Variants in MTHFD2L observed in about 807,000 individuals in gnomAD.
MTHFD2L encodes bifunctional methylenetetrahydrofolate dehydrogenase/cyclohydrolase 2, mitochondrial.
Under a neutral mutation model 34.9 loss-of-function variants are expected in MTHFD2L, and 29 were observed. The observed-to-expected ratio is 0.83, with a 90% CI of 0.62 to 1.13. The LOEUF is 1.13. MTHFD2L is among the 50% of genes most tolerant of loss of function. The pLI is 0.00. For missense variants in MTHFD2L, 481 were observed against 446.5 expected (o/e 1.08, Z -0.70); for synonymous variants, 167 against 155.7 (o/e 1.07, Z -0.54).
intron 6 of MTHFD2L, among the ~76,000 whole-genome samples, chr4:74,226,427 T>C (rs1739171639): frequency 6.6e-6 from 1 of 152,198 alleles, no homozygotes; most frequent in South Asian, 2.1e-4. Context: ...TCTTTAATTC[T>C]CTATTTTAAT....
intron 5 of MTHFD2L, among the ~76,000 whole-genome samples, chr4:74,216,752 T>C (rs2110098106): frequency 6.6e-6 from 1 of 151,926 alleles, no homozygotes; most frequent in East Asian, 1.9e-4. Context: ...CTCTTTCTCT[T>C]ACATCCTTTG....
intron 5 of MTHFD2L, among the ~76,000 whole-genome samples, chr4:74,221,373 A>G (rs1738156144): frequency 6.6e-6 from 1 of 151,820 alleles, no homozygotes. Context: ...TTATTCAAAA[A>G]TAAATTAAAC....
chr4:74,282,933 A>T lies in MTHFD2L; in HGVS notation c.931+1383A>T, dbSNP rs78076383. Among the ~76,000 whole-genome samples, 1,442 of 152,320 alleles carry T rather than the reference A, an allele frequency of 9.5e-3. 27 individuals carry two copies. The highest frequency in any genetic ancestry group is 0.033 in the African/African-American group (1,365 of 41,576). ...TTTAATCTTCCATGTTCAATCACTTAGGCCAGATATGAGTAACTTATTTGA... is the reference window on the plus strand; with the variant it reads ...TTTAATCTTCCATGTTCAATCACTTTGGCCAGATATGAGTAACTTATTTGA... On this transcript the variant is annotated intron_variant, in intron 7 of 7. Coordinates refer to ENST00000325278, the MANE Select transcript of MTHFD2L (RefSeq NM_001144978.3).
At chr4:74,238,711 T>C (rs746672057) in intron 6 of MTHFD2L, among the ~76,000 whole-genome samples, 29 of 152,170 alleles carry the variant, frequency 1.9e-4, no homozygotes, top group Admixed American at 5.9e-4. Context: ...AGAAGACATT[T>C]ATGCAGCCAA....
chr4:74,138,300 C>T (rs1314859222), intron 1 of MTHFD2L, among the ~76,000 whole-genome samples: 1 of 152,086 alleles, frequency 6.6e-6, no homozygotes, highest in African/African-American at 2.4e-5. Flanking sequence ...GGCTTTGTTA[C>T]AGGCGGGTCT....
At chr4:74,297,566 C>T (rs1749780849) in intron 7 of MTHFD2L, among the ~76,000 whole-genome samples, 1 of 151,734 alleles carries the variant, frequency 6.6e-6, no homozygotes, top group African/African-American at 2.4e-5. Flanking sequence ...TTTAATGGAG[C>T]ATGTAGAACA....
chr4:74,140,379 C>A, intron 1 of MTHFD2L: 1 of 230,666 alleles, frequency 4.3e-6, no homozygotes, highest in Non-Finnish European at 7.1e-6. Flanking sequence ...TGGCATAAAG[C>A]AAACCTACAG....
chr4:74,292,437 A>C (rs926978558), intron 7 of MTHFD2L, among the ~76,000 whole-genome samples: 7 of 152,092 alleles, frequency 4.6e-5, no homozygotes, highest in Admixed American at 2.0e-4. Context: ...TATGGAAGGG[A>C]GATTTTATCT....
chr4:74,176,355 GC>G (rs1443483059), intron 3 of MTHFD2L, among the ~76,000 whole-genome samples: 1 of 151,906 alleles, frequency 6.6e-6, no homozygotes, highest in Non-Finnish European at 1.5e-5. Context: ...CTTCATGCGG[GC>G]CTAGGTTTCT....
intron 6 of MTHFD2L, among the ~76,000 whole-genome samples, chr4:74,272,293 T>C (rs979859273): frequency 6.6e-6 from 1 of 152,250 alleles, no homozygotes; most frequent in Middle Eastern, 3.4e-3. Flanking sequence ...TTAGGAGTTA[T>C]TGGAAATGCC....
At chr4:74,286,854 T>C (rs556247250) in intron 7 of MTHFD2L, among the ~76,000 whole-genome samples, 9 of 152,278 alleles carry the variant, frequency 5.9e-5, no homozygotes, top group Admixed American at 5.2e-4. Context: ...TTCCACTTAT[T>C]GGTTTATACT....
At chr4:74,291,003 C>CCTTTTTTTTTTTTT (rs1748846516) in intron 7 of MTHFD2L, among the ~76,000 whole-genome samples, 1 of 29,270 alleles carries the variant, frequency 3.4e-5, no homozygotes, top group Non-Finnish European at 6.5e-5. Context: ...TTTTCCTTTT[C>CCTTTTTTTTTTTTT]TTTTTTTTTT....
intron 3 of MTHFD2L, among the ~76,000 whole-genome samples, chr4:74,196,143 A>G (rs1481054457): frequency 6.6e-6 from 1 of 152,228 alleles, no homozygotes; most frequent in Admixed American, 6.5e-5. Flanking sequence ...AACTAATATC[A>G]TTAACTGAAC....
chr4:74,217,827 A>AT (rs1238909173), intron 5 of MTHFD2L, among the ~76,000 whole-genome samples: 1 of 149,064 alleles, frequency 6.7e-6, no homozygotes, highest in Non-Finnish European at 1.5e-5. Context: ...CTCTCCTCAT[A>AT]TTTTTTTGGA....
Position 74,275,820 on chromosome 4 carries a change from T to A in MTHFD2L, c.806-5605T>A, listed in dbSNP as rs567387769. ...GTTTGTTCTTTTCTTGTAAATTTTTTAAAATTCCTTGTAAATTCTGGATAT... is the reference window on the plus strand; with the variant it reads ...GTTTGTTCTTTTCTTGTAAATTTTTAAAAATTCCTTGTAAATTCTGGATAT... On this transcript the variant is annotated intron_variant, in intron 6 of 7. Coordinates refer to ENST00000325278, the MANE Select transcript of MTHFD2L (RefSeq NM_001144978.3). 3.0e-4 allele frequency among the ~76,000 whole-genome samples: 45 copies of A among 152,318 alleles called. No individual in the cohort carries two copies. In the South Asian group the frequency reaches 5.4e-3, roughly 18 times the overall value.
upstream of MTHFD2L, among the ~76,000 whole-genome samples, chr4:74,155,909 TAA>T (rs60044806): frequency 0.038 from 5,413 of 142,896 alleles, 246 homozygotes; most frequent in African/African-American, 0.11. Context: ...CCATGTGATT[TAA>T]AAAAAAAAAA....
At chr4:74,254,650 T>C (rs1487576563) in intron 6 of MTHFD2L, among the ~76,000 whole-genome samples, 2 of 148,456 alleles carry the variant, frequency 1.3e-5, no homozygotes, top group Non-Finnish European at 3.0e-5. Context: ...AAATGCTAAA[T>C]TGAGTTCTTC....
At chr4:74,277,167 T>C (rs1746770160) in intron 6 of MTHFD2L, among the ~76,000 whole-genome samples, 1 of 151,648 alleles carries the variant, frequency 6.6e-6, no homozygotes, top group Admixed American at 6.6e-5. Context: ...TTTTTTTTTT[T>C]TTCACAGATA....
At chr4:74,192,459 C>T (rs1420959503) in intron 3 of MTHFD2L, among the ~76,000 whole-genome samples, 1 of 152,100 alleles carries the variant, frequency 6.6e-6, no homozygotes, top group Non-Finnish European at 1.5e-5. Context: ...ACCCCTAAAA[C>T]TTTAGTGTAT....
Sources: allele counts gnomAD v4.1 joint callset (sites outside exome capture counted in the v4.1 genomes callset), GRCh38; gene constraint gnomAD v4.1.1; transcripts MANE v1.5; gene names NCBI Gene and HGNC (gene_info 2026-07-23, HGNC 2026-07-21).